The following PCDHGA2 variants were observed in gnomAD, a reference collection of about 807,000 sequenced individuals.
PCDHGA2 encodes the protein protocadherin gamma subfamily A, 2.
Under a neutral mutation model 59.2 loss-of-function variants are expected in PCDHGA2, and 40 were observed. That is an observed-to-expected ratio of 0.68 (90% CI 0.52 to 0.88). The LOEUF (loss-of-function observed/expected upper bound fraction) is 0.88, where lower values mean the gene tolerates loss of function less well. Ranked by LOEUF, PCDHGA2 falls within the 40% of genes least tolerant of loss-of-function variation. The pLI, the probability that PCDHGA2 is intolerant of heterozygous loss-of-function variation, is 0.00. For missense variants in PCDHGA2, 1,226 were observed against 1,204.0 expected (o/e 1.02, Z -0.27); for synonymous variants, 560 against 526.0 (o/e 1.06, Z -0.89).
intron 1 of PCDHGA2, chr5:141,392,999 C>A: frequency 6.2e-7 from 1 of 1,613,858 alleles, no homozygotes; most frequent in Non-Finnish European, 8.5e-7. Context: ...TGGCGAAGCA[C>A]GGAGTCCGTA....
At position 141,418,416 on chromosome 5, in the gene PCDHGA2, C is replaced by A. The variant is rs377542164; in HGVS notation, c.2425-76391C>A. On this transcript the variant is annotated intron_variant, in intron 1 of 3. Transcript: ENST00000394576. ...TTCTCATTGGTGGAGAAAGACAATC[C>A]TGATGGTGGCAAATATCCAGAATTA... The A allele has an allele frequency of 3.7e-6, 6 of 1,613,866 alleles. No individual in the cohort carries two copies. The African/African-American group carries it at 8.0e-5, about 22-fold the overall frequency.
chr5:141,472,733 C>T (rs1450872513), intron 1 of PCDHGA2, among the ~76,000 whole-genome samples: 2 of 151,996 alleles, frequency 1.3e-5, no homozygotes, highest in Non-Finnish European at 2.9e-5. Context: ...CACCTGTAAT[C>T]CCAGCACTTT....
chr5:141,404,463 A>G lies in PCDHGA2; in HGVS notation c.2424+63068A>G, dbSNP rs969137248. 10 of 1,612,548 alleles carry G rather than the reference A, an allele frequency of 6.2e-6. No homozygotes were observed. In the South Asian group the frequency reaches 9.9e-5, roughly 16 times the overall value. ...ATCCAAGGGTCTCCTCTCTCCACCTATGTCTCTATTAACTCAGACACTGGT... is the reference window on the plus strand; with the variant it reads ...ATCCAAGGGTCTCCTCTCTCCACCTGTGTCTCTATTAACTCAGACACTGGT... On this transcript the variant is annotated intron_variant, in intron 1 of 3. Transcript: ENST00000394576.
In PCDHGA2 at chr5:141,487,192, C is replaced by T. The variant is rs2099641028; in HGVS notation, c.2425-7615C>T. ...TAGAGGAAGACACTCATCCAGTTGT[C>T]CCAGATCTTCGAGAATCTTCAGCTC... On this transcript the variant is annotated intron_variant, in intron 1 of 3. Transcript: ENST00000394576. This position sits in a 1 kb window ranked among gnomAD's most constrained non-coding sequence, Gnocchi z 5.0. 15 of 1,613,748 alleles carry T rather than the reference C, an allele frequency of 9.3e-6. No individual in the cohort carries two copies. Among genetic ancestry groups the T allele is most frequent in the African/African-American group, 1.3e-5 (1 of 75,040 alleles).
intron 1 of PCDHGA2, chr5:141,351,669 T>G (rs1299176651): frequency 1.2e-6 from 2 of 1,614,002 alleles, no homozygotes; most frequent in Admixed American, 1.7e-5. Context: ...ATTGCACAAG[T>G]AAGCGCCTCC....
At position 141,395,537 on chromosome 5, in the gene PCDHGA2, A is replaced by T. The variant is rs946783125; in HGVS notation, c.2424+54142A>T. 3.3e-5 allele frequency: 8 copies of T among 243,972 alleles called. No homozygotes were observed. In the African/African-American group the frequency reaches 3.8e-4, roughly 12 times the overall value. 15.1% of individuals were successfully genotyped at this position (243,972 alleles called of 1,614,324 possible). On this transcript the variant is annotated intron_variant, in intron 1 of 3. Transcript: ENST00000394576. ...ACCCGTCCATACTGGTAATTTTGCT[A>T]TTGTTTGTGTGTGTGTGTGTGTGTG...
Position 141,372,293 on chromosome 5 carries a change from C to A in PCDHGA2, c.2424+30898C>A, listed in dbSNP as rs779422890. Reference sequence around the variant, plus strand: ...AGGTGCGCACGGCGCGTACCTTGGGCGACAGGGAGGCCGCCCGCCAGCGCC... The same window carrying A: ...AGGTGCGCACGGCGCGTACCTTGGGAGACAGGGAGGCCGCCCGCCAGCGCC... On this transcript the variant is annotated intron_variant, in intron 1 of 3. Coordinates refer to ENST00000394576, the MANE Select transcript of PCDHGA2 (RefSeq NM_018915.4). 1.9e-6 allele frequency: 3 copies of A among 1,613,106 alleles called. No homozygotes were observed. In the East Asian group the frequency reaches 6.7e-5, roughly 36 times the overall value.
intron 1 of PCDHGA2, chr5:141,361,811 C>T: frequency 1.2e-6 from 2 of 1,613,098 alleles, no homozygotes; most frequent in Non-Finnish European, 1.7e-6. Context: ...AATGACAATG[C>T]GCCACGGGTG....
Position 141,476,351 on chromosome 5 carries a change from G to C in PCDHGA2, c.2425-18456G>C. On this transcript the variant is annotated intron_variant, in intron 1 of 3. Transcript: ENST00000394576. This position sits in a 1 kb window ranked among gnomAD's most constrained non-coding sequence, Gnocchi z 7.6. ...TGGAGCTAGCCGAAGATTCTTTGAG[G>C]TGAACCGGGAGACCGGAGAGATGTT... 3 of 1,614,182 alleles carry C rather than the reference G, an allele frequency of 1.9e-6. No homozygotes were observed. Among genetic ancestry groups the C allele is most frequent in the Non-Finnish European group, 2.5e-6 (3 of 1,180,046 alleles).
chr5:141,432,069 A>T lies in PCDHGA2; in HGVS notation c.2425-62738A>T. ...ACCCCGCCCCTATCCACGGAAACTC[A>T]TATCTCGCTGAACGTGGCAGACACC... is the stretch of plus-strand genomic sequence containing the variant. On this transcript the variant is annotated intron_variant, in intron 1 of 3. Coordinates refer to ENST00000394576, the MANE Select transcript of PCDHGA2 (RefSeq NM_018915.4). This position sits in a 1 kb window ranked among gnomAD's most constrained non-coding sequence, Gnocchi z 6.0. The T allele has an allele frequency of 6.2e-7, 1 of 1,614,168 alleles. No homozygotes were observed. The highest frequency in any genetic ancestry group is 8.5e-7 in the Non-Finnish European group (1 of 1,180,038).
intron 1 of PCDHGA2, chr5:141,378,088 T>C (rs1218204650): frequency 6.6e-6 from 1 of 152,252 alleles, no homozygotes; most frequent in Non-Finnish European, 1.5e-5. Flanking sequence ...TTATAACTTT[T>C]TTTCAAACTC....
rs534304763 is a variant in PCDHGA2 at position 141,394,533 on chromosome 5, G to A, written c.2424+53138G>A. On this transcript the variant is annotated intron_variant, in intron 1 of 3. Transcript: ENST00000394576. The stretch of plus-strand genomic sequence containing the variant: ...CGCCCTCCCCACAGACGGTTCCACT[G>A]GCGTGGAGCTGGCGCCCCGCTCCGC... The A allele has an allele frequency of 2.1e-5, 34 of 1,614,210 alleles. 1 individual carries two copies. In the South Asian group the frequency reaches 3.0e-4, roughly 14 times the overall value.
intron 1 of PCDHGA2, chr5:141,350,155 G>T: frequency 1.0e-6 from 1 of 998,930 alleles, no homozygotes; most frequent in Non-Finnish European, 1.4e-6. Context: ...TCACCCTCGA[G>T]CGCCTAACTA....
intron 1 of PCDHGA2, chr5:141,350,422 C>T: frequency 6.2e-7 from 1 of 1,607,112 alleles, no homozygotes; most frequent in Non-Finnish European, 8.5e-7. Context: ...ATCTGGGGCT[C>T]AGTGTCCGGG....
chr5:141,413,574 T>C (rs773380895), intron 1 of PCDHGA2: 12 of 1,613,714 alleles, frequency 7.4e-6, no homozygotes, highest in Admixed American at 1.7e-5. Flanking sequence ...TCAATGACAA[T>C]GCTCCAAAAT....
In PCDHGA2 at chr5:141,367,047, A is replaced by G. The variant is rs866542840; in HGVS notation, c.2424+25652A>G. Reference sequence around the variant, plus strand: ...ATTGGAACTGCAGTTCTATTAATAGAAAAGATGTTTTATTTATTCAAATTG... The same window carrying G: ...ATTGGAACTGCAGTTCTATTAATAGGAAAGATGTTTTATTTATTCAAATTG... On this transcript the variant is annotated intron_variant, in intron 1 of 3. Coordinates refer to ENST00000394576, the MANE Select transcript of PCDHGA2 (RefSeq NM_018915.4). 8 of 336,290 alleles carry G rather than the reference A, an allele frequency of 2.4e-5. No individual in the cohort carries two copies. In the Middle Eastern group the frequency reaches 2.8e-3, roughly 116 times the overall value. 20.8% of individuals were successfully genotyped at this position (336,290 alleles called of 1,614,324 possible).
At chr5:141,415,023 C>A (rs1213037511) in intron 1 of PCDHGA2, 1 of 1,613,530 alleles carries the variant, frequency 6.2e-7, no homozygotes, top group East Asian at 2.2e-5. Flanking sequence ...TCAAGGCCAG[C>A]GAGCCGGGAC....
chr5:141,460,157 C>T (rs1388985005), intron 1 of PCDHGA2, among the ~76,000 whole-genome samples: 1 of 151,968 alleles, frequency 6.6e-6, no homozygotes, highest in Admixed American at 6.6e-5. Context: ...CTCTTTGTCA[C>T]ATACATATTT....
intron 1 of PCDHGA2, among the ~76,000 whole-genome samples, chr5:141,483,689 G>A (rs1234666254): frequency 6.6e-6 from 1 of 152,022 alleles, no homozygotes; most frequent in Non-Finnish European, 1.5e-5. Flanking sequence ...CAGAAAGCCA[G>A]ATTCCTCTTT....
Sources: allele counts gnomAD v4.1 joint callset (sites outside exome capture counted in the v4.1 genomes callset), GRCh38; gene constraint gnomAD v4.1.1; non-coding constraint Gnocchi (gnomAD v3.1); transcripts MANE v1.5; gene names NCBI Gene and HGNC (gene_info 2026-07-23, HGNC 2026-07-21).